The following FSTL5 variants were observed in gnomAD, a reference collection of about 807,000 sequenced individuals.
The protein encoded by FSTL5 is follistatin like 5.
In FSTL5, 62 loss-of-function variants were observed where a neutral mutation model predicts 89.1. The observed-to-expected ratio is 0.70, with a 90% CI of 0.57 to 0.86. FSTL5 has a LOEUF of 0.86. Among genes scored for constraint, FSTL5 ranks in the 40% least tolerant of loss-of-function variants. The pLI is 0.00. For synonymous variants in FSTL5, 383 were observed against 346.2 expected (o/e 1.11, Z -1.18); for missense variants, 1,057 against 1,001.6 (o/e 1.06, Z -0.75).
intron 3 of FSTL5, among the ~76,000 whole-genome samples, chr4:161,978,295 T>A (rs17041811): frequency 6.6e-6 from 1 of 152,144 alleles, no homozygotes; most frequent in Non-Finnish European, 1.5e-5. Context: ...GGTATTGATG[T>A]TTTCTAAAAT....
intron 4 of FSTL5, among the ~76,000 whole-genome samples, chr4:161,776,682 A>T (rs945636604): frequency 2.6e-4 from 40 of 151,592 alleles, no homozygotes; most frequent in Non-Finnish European, 4.7e-4. Context: ...ATTATTATTT[A>T]AAAAAATTTT....
intron 12 of FSTL5, among the ~76,000 whole-genome samples, chr4:161,486,177 G>T (rs1211173102): frequency 6.6e-6 from 1 of 151,066 alleles, no homozygotes; most frequent in East Asian, 1.9e-4. Flanking sequence ...TAAATATCTG[G>T]TTCTCTGCGT....
chr4:161,470,946 T>C lies in FSTL5; in HGVS notation c.1608+10074A>G, dbSNP rs185523684. Among the ~76,000 whole-genome samples, 9 of 152,362 alleles carry C rather than the reference T, an allele frequency of 5.9e-5. No homozygotes were observed. In the East Asian group the frequency reaches 1.7e-3, roughly 29 times the overall value. ...TGCATGTTCCTTTCTATCCTGATAC[T>C]TTATTGAATTCATTCATTAGTTCTA... On this transcript the variant is annotated intron_variant, in intron 13 of 15. Transcript: ENST00000306100.
chr4:162,104,434 A>G (rs1392215585), intron 2 of FSTL5, among the ~76,000 whole-genome samples: 8 of 152,142 alleles, frequency 5.3e-5, no homozygotes, highest in Admixed American at 2.6e-4. Context: ...GCGGCCCGCC[A>G]CCATCTTGGG....
At chr4:161,744,401 C>T (rs911405535) in intron 6 of FSTL5, among the ~76,000 whole-genome samples, 2 of 152,090 alleles carry the variant, frequency 1.3e-5, no homozygotes, top group African/African-American at 4.8e-5. Flanking sequence ...ATTATATTCT[C>T]TATGACTTAC....
intron 4 of FSTL5, among the ~76,000 whole-genome samples, chr4:161,897,793 T>C (rs554948245): frequency 6.6e-6 from 1 of 151,654 alleles, no homozygotes; most frequent in South Asian, 2.1e-4. Context: ...CTGTGGATTT[T>C]TGTAAATGTA....
chr4:161,655,490 C>A (rs541282760), intron 7 of FSTL5, among the ~76,000 whole-genome samples: 1 of 152,182 alleles, frequency 6.6e-6, no homozygotes, highest in Non-Finnish European at 1.5e-5. Context: ...TCATACAAAT[C>A]TGTGATCTTT....
intron 3 of FSTL5, among the ~76,000 whole-genome samples, chr4:161,962,893 T>C (rs552065324): frequency 2.0e-5 from 3 of 152,140 alleles, no homozygotes; most frequent in South Asian, 2.1e-4. Context: ...AAAATTAATA[T>C]AAAAATTTCA....
In FSTL5 at chr4:161,723,085, T is replaced by C. The variant is rs542825173; in HGVS notation, c.727+36326A>G. Among the ~76,000 whole-genome samples the C allele has an allele frequency of 6.6e-5, 10 of 152,276 alleles. No individual in the cohort carries two copies. In the South Asian group the frequency reaches 2.1e-3, roughly 32 times the overall value. On this transcript the variant is annotated intron_variant, in intron 6 of 15. Coordinates refer to ENST00000306100, the MANE Select transcript of FSTL5 (RefSeq NM_020116.5). The stretch of plus-strand genomic sequence containing the variant: ...CATTTCTGAAATAAGAATGCATCTT[T>C]ATAATTAATGTGCACATTTAAGGAA...
chr4:161,740,318 C>A (rs1338465988), intron 6 of FSTL5, among the ~76,000 whole-genome samples: 3 of 152,008 alleles, frequency 2.0e-5, no homozygotes, highest in African/African-American at 4.8e-5. Flanking sequence ...CCAGGCCCGG[C>A]CTGAAATAGT....
chr4:161,510,265 A>G, intron 11 of FSTL5, 133 bp downstream of exon 11: 1 of 658,618 alleles, frequency 1.5e-6, no homozygotes, highest in South Asian at 1.9e-5. Context: ...TTACACAAAA[A>G]TATTGAAATA....
chr4:161,653,198 G>T (rs138878915), intron 7 of FSTL5, among the ~76,000 whole-genome samples: 1 of 152,106 alleles, frequency 6.6e-6, no homozygotes. Context: ...AGAGTATCAC[G>T]CCTGGGGTCT....
intron 7 of FSTL5, among the ~76,000 whole-genome samples, chr4:161,635,930 T>C (rs1244472015): frequency 2.6e-5 from 4 of 152,196 alleles, no homozygotes; most frequent in Non-Finnish European, 1.5e-5. Context: ...CAACTTTGAT[T>C]TCACATACCT....
rs555113084 is a variant in FSTL5, at chr4:161,511,689, TA to T, written c.1313-1266del. On this transcript the variant is annotated intron_variant, in intron 10 of 15. Transcript: ENST00000306100. The stretch of plus-strand genomic sequence containing the variant: ...GTCAACTAAATATGTTATAAGATGA[TA>T]AAAAGACAAATCTTATTCTCAAGGA... 1.9e-3 allele frequency among the ~76,000 whole-genome samples: 285 copies of T among 152,132 alleles called. 1 individual carries two copies. Among genetic ancestry groups the T allele is most frequent in the South Asian group, 5.4e-3 (26 of 4,828 alleles).
At chr4:162,146,926 C>T (rs879381346) in intron 1 of FSTL5, among the ~76,000 whole-genome samples, 5 of 151,784 alleles carry the variant, frequency 3.3e-5, no homozygotes, top group Admixed American at 6.6e-5. Flanking sequence ...GGACTACAGG[C>T]GCACGCCACC....
At chr4:162,035,535 T>C in intron 2 of FSTL5, 1 of 151,974 alleles carries the variant, frequency 6.6e-6, no homozygotes, top group Non-Finnish European at 1.5e-5. Context: ...GTGGACTGGA[T>C]CAAAGGAAGG....
intron 15 of FSTL5, among the ~76,000 whole-genome samples, chr4:161,396,816 T>C (rs1731020787): frequency 6.6e-6 from 1 of 151,408 alleles, no homozygotes; most frequent in African/African-American, 2.4e-5. Context: ...ACTTTAAACA[T>C]GAGAGTTGTT....
chr4:161,933,294 C>T (rs1734342655), intron 3 of FSTL5, among the ~76,000 whole-genome samples: 1 of 152,010 alleles, frequency 6.6e-6, no homozygotes, highest in Non-Finnish European at 1.5e-5. Context: ...GTGTGTCACC[C>T]TTGGTGACTG....
In FSTL5 at chr4:162,080,830, C is replaced by T. The variant is rs147809860; in HGVS notation, c.126+30441G>A. Reference sequence around the variant, plus strand: ...TGCAGTAGATTAAATACAGGTGCTTCTAAAGCACAATTTCATAACAGACAA... The same window carrying T: ...TGCAGTAGATTAAATACAGGTGCTTTTAAAGCACAATTTCATAACAGACAA... On this transcript the variant is annotated intron_variant, in intron 2 of 15. Coordinates refer to ENST00000306100, the MANE Select transcript of FSTL5 (RefSeq NM_020116.5). Among the ~76,000 whole-genome samples, 350 of 151,590 alleles carry T rather than the reference C, an allele frequency of 2.3e-3. 1 individual carries two copies. The highest frequency in any genetic ancestry group is 8.0e-3 in the African/African-American group (333 of 41,444).
Sources: gnomAD v4.1 joint callset for allele counts (sites outside exome capture counted in the v4.1 genomes callset) on GRCh38, gnomAD v4.1.1 for gene constraint, MANE v1.5 for transcripts, NCBI Gene and HGNC (gene_info 2026-07-23, HGNC 2026-07-21) for gene names.